DOCK4: variants seen among roughly 807,000 people sequenced by gnomAD.
DOCK4 encodes the protein dedicator of cytokinesis 4.
A neutral mutation model predicts 268.1 loss-of-function variants in DOCK4; 97 were observed. That is an observed-to-expected ratio of 0.36 (90% confidence interval 0.31 to 0.43). DOCK4 has a LOEUF of 0.43. DOCK4 is among the 20% of genes least tolerant of loss of function. The probability of loss-of-function intolerance (pLI) is 1.00; values close to 1 mark genes in which losing one functional copy is unlikely to be tolerated. For synonymous variants in DOCK4, 954 were observed against 887.2 expected, an observed-to-expected ratio of 1.08 and a Z score of -1.34; for missense variants, 2,145 against 2,455.7, an observed-to-expected ratio of 0.87 and a Z score of 2.67.
chr7:111,737,060 G>T (rs776505417), intron 49 of DOCK4, 71 bp from the exon 50 acceptor site: 87 of 1,323,844 alleles, frequency 6.6e-5, no homozygotes, highest in Non-Finnish European at 8.0e-5. Flanking sequence ...AAAATGAGAC[G>T]ATTATCTCCT....
intron 8 of DOCK4, among the ~76,000 whole-genome samples, chr7:111,961,361 C>T: frequency 6.6e-6 from 1 of 152,216 alleles, no homozygotes; most frequent in Non-Finnish European, 1.5e-5. Context: ...CAACTTTAAA[C>T]CTCTACAAAC....
intron 28 of DOCK4, among the ~76,000 whole-genome samples, chr7:111,811,502 C>A (rs924922283): frequency 1.3e-5 from 2 of 151,902 alleles, no homozygotes; most frequent in African/African-American, 4.8e-5. Flanking sequence ...TTAATTCATT[C>A]TAAAAAATGG....
At chr7:111,902,056 G>A (rs1791193121) in intron 13 of DOCK4, among the ~76,000 whole-genome samples, 1 of 152,158 alleles carries the variant, frequency 6.6e-6, no homozygotes, top group African/African-American at 2.4e-5. Flanking sequence ...GACCAAGTAG[G>A]AAGGTATTGT....
intron 1 of DOCK4, among the ~76,000 whole-genome samples, chr7:112,058,885 AAAG>A (rs983648835): frequency 1.6e-5 from 2 of 123,486 alleles, no homozygotes; most frequent in Admixed American, 7.1e-5. Context: ...GTGAAGGCAG[AAAG>A]AAGAAGGAAA....
chr7:112,206,299 C>A lies in DOCK4; in HGVS notation c.-161G>T. 1 of 735,512 alleles carries A rather than the reference C, an allele frequency of 1.4e-6. No individual in the cohort carries two copies. The highest frequency in any genetic ancestry group is 3.0e-5 in the Admixed American group (1 of 33,812). The allele number at this position is 735,512 out of a possible 1,614,324, so 45.6% of individuals were successfully genotyped here. A position where few individuals can be genotyped will look rare whatever the true frequency, so the allele number is the denominator to read the frequency against. ...GATCTGCGCTGGAGGCTCCCGAGCC[C>A]AGCGTTGACACTGCGCCGCCCGCAG... On this transcript the variant is annotated 5_prime_UTR_variant, in exon 1 of 53. Transcript: ENST00000428084.
chr7:111,886,774 A>G (rs1378384068), intron 16 of DOCK4, among the ~76,000 whole-genome samples: 1 of 152,226 alleles, frequency 6.6e-6, no homozygotes, highest in Admixed American at 6.5e-5. Context: ...TGAAATCCAA[A>G]TAAATTCCAT....
chr7:111,942,263 C>G (rs1795275204), intron 10 of DOCK4, among the ~76,000 whole-genome samples: 1 of 152,042 alleles, frequency 6.6e-6, no homozygotes, highest in African/African-American at 2.4e-5. Flanking sequence ...TCCTCTCCAT[C>G]TTTCTAAAGA....
At chr7:111,749,747 C>CA (rs1796507961) in intron 42 of DOCK4, among the ~76,000 whole-genome samples, 1 of 152,074 alleles carries the variant, frequency 6.6e-6, no homozygotes, top group Non-Finnish European at 1.5e-5. Context: ...ACTTAGCATT[C>CA]AAAAAATGCT....
intron 20 of DOCK4, among the ~76,000 whole-genome samples, chr7:111,871,705 C>T (rs555712590): frequency 6.6e-6 from 1 of 152,194 alleles, no homozygotes; most frequent in African/African-American, 2.4e-5. Flanking sequence ...GATAACCAGA[C>T]ATTTTAGACC....
At position 112,147,536 on chromosome 7, in the gene DOCK4, T is replaced by C. The variant is rs548139872; in HGVS notation, c.37+58566A>G. Among the ~76,000 whole-genome samples the C allele has an allele frequency of 8.3e-4, 127 of 152,292 alleles. 1 individual carries two copies. Among genetic ancestry groups the C allele is most frequent in the Non-Finnish European group, 6.3e-4 (43 of 68,026 alleles). The stretch of plus-strand genomic sequence containing the variant: ...AAAAATATTTTATTTTGAAATTGTT[T>C]TCAGCCTTTGCCCAATACCTCAAAA... On this transcript the variant is annotated intron_variant, in intron 1 of 52. Coordinates refer to ENST00000428084, the MANE Select transcript of DOCK4 (RefSeq NM_001363540.2).
In DOCK4 at chr7:112,069,195, G is replaced by A. The variant is rs936590604; in HGVS notation, c.38-65064C>T. On this transcript the variant is annotated intron_variant, in intron 1 of 52. Coordinates refer to ENST00000428084, the MANE Select transcript of DOCK4 (RefSeq NM_001363540.2). ...CTACGTAACACCAAGTTTGTACACCGAGCAAACTTTTGTCATTGGGTGGAT... is the reference window on the plus strand; with the variant it reads ...CTACGTAACACCAAGTTTGTACACCAAGCAAACTTTTGTCATTGGGTGGAT... Among the ~76,000 whole-genome samples the A allele has an allele frequency of 4.6e-5, 7 of 152,084 alleles. No homozygotes were observed. In the East Asian group the frequency reaches 9.6e-4, roughly 21 times the overall value.
In DOCK4 at chr7:112,060,125, T is replaced by C. The variant is rs1336979203; in HGVS notation, c.38-55994A>G. 3.3e-5 allele frequency among the ~76,000 whole-genome samples: 5 copies of C among 152,220 alleles called. No individual in the cohort carries two copies. The South Asian group carries it at 6.2e-4, about 19-fold the overall frequency. ...TCCTAGAGCCAGCTAATTTCATTTC[T>C]AGCACCTTGAAGAGAAAAAGAATAG... On this transcript the variant is annotated intron_variant, in intron 1 of 52. Coordinates refer to ENST00000428084, the MANE Select transcript of DOCK4 (RefSeq NM_001363540.2).
chr7:112,131,081 A>G (rs767314988), intron 1 of DOCK4, among the ~76,000 whole-genome samples: 2 of 152,228 alleles, frequency 1.3e-5, no homozygotes, highest in Non-Finnish European at 1.5e-5. Flanking sequence ...GCCGTATGCC[A>G]TAAATATGTC....
At chr7:112,080,468 T>A (rs1465725986) in intron 1 of DOCK4, among the ~76,000 whole-genome samples, 1 of 152,218 alleles carries the variant, frequency 6.6e-6, no homozygotes, top group Non-Finnish European at 1.5e-5. Flanking sequence ...CTTGCATTGA[T>A]AGAGAAATGT....
At chr7:111,800,632 C>T (rs1024167911) in intron 30 of DOCK4, among the ~76,000 whole-genome samples, 2 of 152,116 alleles carry the variant, frequency 1.3e-5, no homozygotes, top group East Asian at 3.9e-4. Context: ...AATCTTAATG[C>T]TTATATTCTA....
At chr7:111,983,847 C>CGCGCGT (rs1798804646) in intron 7 of DOCK4, among the ~76,000 whole-genome samples, 1 of 77,936 alleles carries the variant, frequency 1.3e-5, no homozygotes, top group African/African-American at 5.5e-5. Flanking sequence ...CACACACACG[C>CGCGCGT]GCGCGCGCGC....
chr7:112,133,846 G>A (rs150611113), intron 1 of DOCK4, among the ~76,000 whole-genome samples: 1 of 152,316 alleles, frequency 6.6e-6, no homozygotes, highest in East Asian at 1.9e-4. Flanking sequence ...GTTATTAAGT[G>A]AACCAGTGTT....
intron 1 of DOCK4, among the ~76,000 whole-genome samples, chr7:112,202,905 A>C (rs180809178): frequency 6.6e-6 from 1 of 152,316 alleles, no homozygotes; most frequent in Non-Finnish European, 1.5e-5. Context: ...TGAGAAAGAG[A>C]GGAACCAGCA....
chr7:111,859,552 G>T (rs189359959), intron 23 of DOCK4, among the ~76,000 whole-genome samples: 1 of 149,598 alleles, frequency 6.7e-6, no homozygotes, highest in Non-Finnish European at 1.5e-5. Context: ...AATTGTGTAC[G>T]TGTGTGTTAA....
Sources: gnomAD v4.1 joint callset for allele counts (sites outside exome capture counted in the v4.1 genomes callset) on GRCh38, gnomAD v4.1.1 for gene constraint, MANE v1.5 for transcripts, NCBI Gene and HGNC (gene_info 2026-07-23, HGNC 2026-07-21) for gene names.